IGF1R: variants seen among roughly 807,000 people sequenced by gnomAD.
The protein encoded by IGF1R is insulin like growth factor 1 receptor.
Under a neutral mutation model 144.6 loss-of-function variants are expected in IGF1R, and 44 were observed. The ratio of observed to expected loss-of-function variants is 0.30; its 90% CI spans 0.24 to 0.39. The LOEUF is 0.39. IGF1R is among the 10% of genes least tolerant of loss of function. The probability of loss-of-function intolerance (pLI) is 1.00; values close to 1 mark genes in which losing one functional copy is unlikely to be tolerated. For missense variants in IGF1R, 1,355 were observed against 1,833.7 expected (o/e 0.74, Z 4.77); for synonymous variants, 795 against 722.8 (o/e 1.10, Z -1.60).
chr15:98,796,062 C>T (rs1410211143), intron 2 of IGF1R, among the ~76,000 whole-genome samples: 10 of 152,182 alleles, frequency 6.6e-5, no homozygotes, highest in Non-Finnish European at 1.3e-4. Flanking sequence ...GCAGGCAGCT[C>T]AGCTCTCAGC....
chr15:98,763,006 A>G lies in IGF1R; in HGVS notation c.640+54899A>G, dbSNP rs867716494. ...AGTTGCAGTGAGCTGAGGTCGCACC[A>G]CTGCACTCCAGCCTGGCGACAGAGC... On this transcript the variant is annotated intron_variant, in intron 2 of 20. Transcript: ENST00000650285. 6.7e-5 allele frequency among the ~76,000 whole-genome samples: 10 copies of G among 150,098 alleles called. No homozygotes were observed. In the Middle Eastern group the frequency reaches 0.021, roughly 315 times the overall value.
rs554153008 is a variant in IGF1R at position 98,892,544 on chromosome 15, A to AAG, written c.953+911_953+912dup. ...TCTGTCTCCAAAAAAAAAAAAAAAA[A>AAG]AGAGAAGTTCGTTATAACAAATGCC... is the stretch of plus-strand genomic sequence containing the variant. On this transcript the variant is annotated intron_variant, in intron 3 of 20. Transcript: ENST00000650285. Among the ~76,000 whole-genome samples, 67 of 152,038 alleles carry AAG rather than the reference A, an allele frequency of 4.4e-4. 1 individual carries two copies. The South Asian group carries it at 6.2e-3, about 14-fold the overall frequency.
At chr15:98,956,440 G>A (rs1596492204) in intron 20 of IGF1R, among the ~76,000 whole-genome samples, 1 of 152,220 alleles carries the variant, frequency 6.6e-6, no homozygotes, top group Non-Finnish European at 1.5e-5. Flanking sequence ...TGCAGGGCTG[G>A]AGCGAGCACG....
chr15:98,783,619 G>A (rs903480373), intron 2 of IGF1R, among the ~76,000 whole-genome samples: 1 of 152,118 alleles, frequency 6.6e-6, no homozygotes, highest in Admixed American at 6.6e-5. Context: ...GTAGTCCTGT[G>A]TATGTTTTGG....
rs1312934023 is a variant in IGF1R at position 98,964,464 on chromosome 15, C to G, written c.*7022C>G. ...GCTGAAGCTAAGGCAACGTTAGTTTCTCTTACTCTGCTTTTTTCTAGTAAA... is the reference window on the plus strand; with the variant it reads ...GCTGAAGCTAAGGCAACGTTAGTTTGTCTTACTCTGCTTTTTTCTAGTAAA... On this transcript the variant is annotated 3_prime_UTR_variant, in exon 21 of 21. Coordinates refer to ENST00000650285, the MANE Select transcript of IGF1R (RefSeq NM_000875.5). 2.7e-5 allele frequency: 6 copies of G among 224,294 alleles called. No individual in the cohort carries two copies. Among genetic ancestry groups the G allele is most frequent in the African/African-American group, 4.5e-5 (2 of 44,528 alleles). The allele number at this position is 224,294 out of a possible 1,614,324, so 13.9% of individuals were successfully genotyped here. A position where few individuals can be genotyped will look rare whatever the true frequency, so the allele number is the denominator to read the frequency against.
intron 1 of IGF1R, among the ~76,000 whole-genome samples, chr15:98,665,889 C>G (rs536370348): frequency 8.0e-5 from 12 of 150,674 alleles, no homozygotes; most frequent in African/African-American, 2.9e-4. Flanking sequence ...AAGGTTAGTC[C>G]TGTTTAGGCA....
rs1404339559 is a variant in IGF1R, at chr15:98,961,070, C to G, written c.*3628C>G. 1 of 233,470 alleles carries G rather than the reference C, an allele frequency of 4.3e-6. No homozygotes were observed. The highest frequency in any genetic ancestry group is 2.2e-5 in the African/African-American group (1 of 45,338). The allele number at this position is 233,470 out of a possible 1,614,324, so 14.5% of individuals were successfully genotyped here. On this transcript the variant is annotated 3_prime_UTR_variant, in exon 21 of 21. Transcript: ENST00000650285. Reference sequence around the variant, plus strand: ...GTGGATGGCTCCTCGGCAATTCCAGCCTAAGTGAAGGCGCTCAGGAGCCTC... The same window carrying G: ...GTGGATGGCTCCTCGGCAATTCCAGGCTAAGTGAAGGCGCTCAGGAGCCTC...
At chr15:98,839,298 G>A (rs543537149) in intron 2 of IGF1R, among the ~76,000 whole-genome samples, 2 of 152,286 alleles carry the variant, frequency 1.3e-5, no homozygotes, top group African/African-American at 2.4e-5. Flanking sequence ...GGCAGACCTG[G>A]GGTTTGAACC....
At chr15:98,813,481 G>T (rs1218204684) in intron 2 of IGF1R, among the ~76,000 whole-genome samples, 2 of 152,136 alleles carry the variant, frequency 1.3e-5, no homozygotes, top group African/African-American at 4.8e-5. Flanking sequence ...CCTTCCCAAG[G>T]AAACCACAAT....
intron 18 of IGF1R, among the ~76,000 whole-genome samples, chr15:98,941,970 A>ATAAT (rs1456857336): frequency 3.3e-5 from 5 of 152,352 alleles, no homozygotes; most frequent in African/African-American, 9.6e-5. Flanking sequence ...GCCATCAAAC[A>ATAAT]TAATTATGTG....
At chr15:98,813,382 C>T (rs915307042) in intron 2 of IGF1R, among the ~76,000 whole-genome samples, 6 of 152,166 alleles carry the variant, frequency 3.9e-5, no homozygotes, top group Non-Finnish European at 7.3e-5. Flanking sequence ...GGGCCAGATA[C>T]CAGGCAAGAG....
At chr15:98,847,310 G>C (rs2011369060) in intron 2 of IGF1R, among the ~76,000 whole-genome samples, 1 of 152,118 alleles carries the variant, frequency 6.6e-6, no homozygotes, top group South Asian at 2.1e-4. Flanking sequence ...GGGGCGTCTT[G>C]GTATAAGTAT....
In IGF1R at chr15:98,961,887, C is replaced by T. The variant is rs553558742; in HGVS notation, c.*4445C>T. 6.3e-4 allele frequency: 147 copies of T among 233,338 alleles called. No homozygotes were observed. Among genetic ancestry groups the T allele is most frequent in the Admixed American group, 2.4e-3 (42 of 17,802 alleles). The allele number at this position is 233,338 out of a possible 1,614,324, so 14.5% of individuals were successfully genotyped here. On this transcript the variant is annotated 3_prime_UTR_variant, in exon 21 of 21. Transcript: ENST00000650285. ...GCCTGTTTCTTAAGATGCGGAGTCA[C>T]ATTTCAATGGTACGAAAAGTGGCTT...
intron 5 of IGF1R, among the ~76,000 whole-genome samples, chr15:98,906,643 A>G (rs74034285): frequency 0.087 from 13,297 of 152,300 alleles, 697 homozygotes; most frequent in Middle Eastern, 0.14. Context: ...ACTGCTCCCC[A>G]GGAAACACAC....
chr15:98,955,677 G>A (rs1285178713), intron 20 of IGF1R, among the ~76,000 whole-genome samples: 1 of 152,190 alleles, frequency 6.6e-6, no homozygotes, highest in Non-Finnish European at 1.5e-5. Flanking sequence ...GCTGCCAGGT[G>A]GCCATAGGAG....
intron 5 of IGF1R, among the ~76,000 whole-genome samples, chr15:98,905,076 C>T (rs192865258): frequency 6.6e-5 from 10 of 152,318 alleles, no homozygotes; most frequent in Admixed American, 3.3e-4. Flanking sequence ...AGGGGTTCCT[C>T]AGTAAATGCT....
Position 98,899,517 on chromosome 15 carries a change from C to A in IGF1R, c.1143C>A (p.Ile381=), listed in dbSNP as rs972242816. The part of the protein sequence containing the change: ...ASELENFMGL[I]EVVTGYVKIR... ...AGCTGGAGAACTTCATGGGGCTCATCGAGGTGGTGACGGGCTACGTGAAGA... is the reference window on the plus strand; with the variant it reads ...AGCTGGAGAACTTCATGGGGCTCATAGAGGTGGTGACGGGCTACGTGAAGA... The change falls in exon 5 of 21, where the codon ATC becomes ATA. Residue 381 remains isoleucine, a synonymous_variant. Coordinates refer to ENST00000650285, the MANE Select transcript of IGF1R (RefSeq NM_000875.5). The A allele has an allele frequency of 6.2e-7, 1 of 1,613,988 alleles. No homozygotes were observed. Among genetic ancestry groups the A allele is most frequent in the Non-Finnish European group, 8.5e-7 (1 of 1,179,968 alleles).
rs199604447 is a variant in IGF1R at position 98,867,736 on chromosome 15, CT to C, written c.641-23584del. On this transcript the variant is annotated intron_variant, in intron 2 of 20. Coordinates refer to ENST00000650285, the MANE Select transcript of IGF1R (RefSeq NM_000875.5). ...CAAATATTTAATAAGAACTTAAAAG[CT>C]TTTTGACTTTATATATTTTTAAAGC... Among the ~76,000 whole-genome samples the C allele has an allele frequency of 4.4e-3, 672 of 152,208 alleles. 8 individuals carry two copies. The highest frequency in any genetic ancestry group is 0.015 in the African/African-American group (633 of 41,522).
At chr15:98,801,266 G>A (rs761152186) in intron 2 of IGF1R, among the ~76,000 whole-genome samples, 9 of 152,176 alleles carry the variant, frequency 5.9e-5, no homozygotes, top group African/African-American at 9.7e-5. Flanking sequence ...CCTGCTCCCC[G>A]TGAGCGGCTC....
Sources: gnomAD v4.1 joint callset for allele counts (sites outside exome capture counted in the v4.1 genomes callset) on GRCh38, gnomAD v4.1.1 for gene constraint, MANE v1.5 for transcripts, NCBI Gene and HGNC (gene_info 2026-07-23, HGNC 2026-07-21) for gene names.